MYO1E: variants seen among roughly 807,000 people sequenced by gnomAD.
The protein encoded by MYO1E is myosin IE.
In MYO1E, 68 loss-of-function variants were observed where a neutral mutation model predicts 151.1. The observed-to-expected ratio is 0.45, with a 90% CI of 0.37 to 0.55. MYO1E has a LOEUF of 0.55. Among genes scored for constraint, MYO1E ranks in the 20% least tolerant of loss-of-function variants. The pLI, the probability that MYO1E is intolerant of heterozygous loss-of-function variation, is 0.00. For missense variants in MYO1E, 1,363 were observed against 1,389.3 expected (o/e 0.98, Z 0.30); for synonymous variants, 601 against 501.7 (o/e 1.20, Z -2.64).
chr15:59,298,661 C>A (rs542352677), intron 1 of MYO1E, among the ~76,000 whole-genome samples: 7 of 152,136 alleles, frequency 4.6e-5, no homozygotes, highest in Non-Finnish European at 8.8e-5. Flanking sequence ...TAAATAAGAA[C>A]CTATTTAAAG....
chr15:59,362,089 GGCC>G (rs2080889079), intron 1 of MYO1E, among the ~76,000 whole-genome samples: 1 of 151,866 alleles, frequency 6.6e-6, no homozygotes, highest in Non-Finnish European at 1.5e-5. Context: ...CACCCGCCTC[GGCC>G]TTCCAAAGTG....
chr15:59,150,738 C>T (rs1202420206), intron 26 of MYO1E, among the ~76,000 whole-genome samples: 2 of 152,102 alleles, frequency 1.3e-5, no homozygotes, highest in East Asian at 3.9e-4. Flanking sequence ...ACTACAGGTG[C>T]CTTCAGACCA....
intron 1 of MYO1E, among the ~76,000 whole-genome samples, chr15:59,341,139 C>CA (rs1231991993): frequency 6.6e-6 from 1 of 151,850 alleles, no homozygotes; most frequent in Non-Finnish European, 1.5e-5. Context: ...TTGATACAGG[C>CA]ATGCAATGTG....
intron 1 of MYO1E, among the ~76,000 whole-genome samples, chr15:59,365,553 T>G (rs1279798794): frequency 3.3e-5 from 5 of 152,210 alleles, no homozygotes; most frequent in Admixed American, 6.5e-5. Context: ...AAACTAGCTA[T>G]GAGACTTTGG....
In MYO1E at chr15:59,136,578, A is replaced by C; in HGVS notation, c.*802T>G. 2.5e-6 allele frequency: 1 copy of C among 394,672 alleles called. No homozygotes were observed. Among genetic ancestry groups the C allele is most frequent in the Non-Finnish European group, 5.1e-6 (1 of 195,602 alleles). 24.4% of individuals were successfully genotyped at this position (394,672 alleles called of 1,614,324 possible). On this transcript the variant is annotated 3_prime_UTR_variant, in exon 28 of 28. Transcript: ENST00000288235. ...AGTACAGTGGAATACTACTTAGTAC[A>C]TTCATACATGTTTCTACCATCTCAA...
chr15:59,248,486 CAAAAAAAAAA>C (rs71119447), intron 4 of MYO1E, among the ~76,000 whole-genome samples: 50 of 57,052 alleles, frequency 8.8e-4, no homozygotes, highest in African/African-American at 3.2e-3. Flanking sequence ...GACTCCATCT[CAAAAAAAAAA>C]AAAAAAAAAA....
At chr15:59,178,308 GAAA>G in intron 19 of MYO1E, 82 bp downstream of exon 19, 1 of 1,530,838 alleles carries the variant, frequency 6.5e-7, no homozygotes, top group Non-Finnish European at 8.9e-7. Context: ...CGAAGAATGA[GAAA>G]AAGAAGCCAG....
intron 1 of MYO1E, among the ~76,000 whole-genome samples, chr15:59,358,176 T>C (rs2140439109): frequency 6.6e-6 from 1 of 152,058 alleles, no homozygotes; most frequent in Non-Finnish European, 1.5e-5. Flanking sequence ...GGAGAGTTGC[T>C]AAGCAGGGCT....
At chr15:59,343,670 C>T (rs1401025879) in intron 1 of MYO1E, among the ~76,000 whole-genome samples, 1 of 152,090 alleles carries the variant, frequency 6.6e-6, no homozygotes, top group Non-Finnish European at 1.5e-5. Context: ...TTTTCTAGAT[C>T]TTGTAGGTGG....
rs967963942 is a variant in MYO1E at position 59,136,564 on chromosome 15, A to T, written c.*816T>A. 1 of 375,138 alleles carries T rather than the reference A, an allele frequency of 2.7e-6. No individual in the cohort carries two copies. Among genetic ancestry groups the T allele is most frequent in the African/African-American group, 2.1e-5 (1 of 47,432 alleles). The allele number at this position is 375,138 out of a possible 1,614,324, so 23.2% of individuals were successfully genotyped here. A position where few individuals can be genotyped will look rare whatever the true frequency, so the allele number is the denominator to read the frequency against. On this transcript the variant is annotated 3_prime_UTR_variant, in exon 28 of 28. Coordinates refer to ENST00000288235, the MANE Select transcript of MYO1E (RefSeq NM_004998.4). ...CTACCTTATGAATGAGTACAGTGGA[A>T]TACTACTTAGTACATTCATACATGT...
intron 1 of MYO1E, among the ~76,000 whole-genome samples, chr15:59,345,987 C>T (rs1237844146): frequency 2.6e-5 from 4 of 152,176 alleles, no homozygotes; most frequent in South Asian, 2.1e-4. Flanking sequence ...GTAGTACTTC[C>T]GAATGCATGT....
intron 1 of MYO1E, among the ~76,000 whole-genome samples, chr15:59,300,050 T>A (rs914829653): frequency 6.6e-6 from 1 of 152,168 alleles, no homozygotes; most frequent in African/African-American, 2.4e-5. Flanking sequence ...ATATACTTTG[T>A]CACCACTGAG....
intron 1 of MYO1E, among the ~76,000 whole-genome samples, chr15:59,320,704 A>C (rs1186842677): frequency 6.6e-6 from 1 of 152,210 alleles, no homozygotes; most frequent in Non-Finnish European, 1.5e-5. Context: ...TTAAAGATTT[A>C]AATGTAAGAC....
At chr15:59,151,037 A>ACGCGCGCG (rs2079473456) in intron 26 of MYO1E, among the ~76,000 whole-genome samples, 1 of 122,728 alleles carries the variant, frequency 8.1e-6, no homozygotes, top group Admixed American at 7.4e-5. Context: ...ACACACACAC[A>ACGCGCGCG]CACACACACA....
At chr15:59,251,953 A>G in intron 4 of MYO1E, among the ~76,000 whole-genome samples, 1 of 152,242 alleles carries the variant, frequency 6.6e-6, no homozygotes, top group East Asian at 1.9e-4. Context: ...TATTGCTACT[A>G]ATAATATTGG....
chr15:59,261,786 C>T (rs2140374172), intron 2 of MYO1E, among the ~76,000 whole-genome samples: 1 of 152,192 alleles, frequency 6.6e-6, no homozygotes, highest in South Asian at 2.1e-4. Flanking sequence ...GTGACACGTA[C>T]AGCAAGGAGA....
chr15:59,227,643 C>G lies in MYO1E; in HGVS notation c.511-53G>C. The G allele has an allele frequency of 1.9e-6, 3 of 1,600,294 alleles. No homozygotes were observed. In the South Asian group the frequency reaches 3.3e-5, roughly 18 times the overall value. ...ATGGTTGGTGAACAAAACATGATGT[C>G]CCAAACAGGCTTTGAATACAGTATA... On this transcript the variant is annotated intron_variant, in intron 6 of 27. Coordinates refer to ENST00000288235, the MANE Select transcript of MYO1E (RefSeq NM_004998.4).
intron 1 of MYO1E, among the ~76,000 whole-genome samples, chr15:59,301,639 G>A (rs1339672379): frequency 3.9e-5 from 6 of 152,228 alleles, no homozygotes; most frequent in African/African-American, 1.4e-4. Context: ...CTCGGTCCTT[G>A]AGGCAGCTTT....
chr15:59,234,998 C>T lies in MYO1E; in HGVS notation c.420+1587G>A, dbSNP rs182491954. Among the ~76,000 whole-genome samples, 1,080 of 152,174 alleles carry T rather than the reference C, an allele frequency of 7.1e-3. 12 individuals are homozygous for T. Among genetic ancestry groups the T allele is most frequent in the African/African-American group, 0.025 (1,053 of 41,488 alleles). ...TGATGAGCGCCAAGCTTGGGCTGCC[C>T]CTTATGGACCTTAGCTCGCCATCAC... On this transcript the variant is annotated intron_variant, in intron 5 of 27. Coordinates refer to ENST00000288235, the MANE Select transcript of MYO1E (RefSeq NM_004998.4).
Sources: allele counts gnomAD v4.1 joint callset (sites outside exome capture counted in the v4.1 genomes callset), GRCh38; gene constraint gnomAD v4.1.1; transcripts MANE v1.5; gene names NCBI Gene and HGNC (gene_info 2026-07-23, HGNC 2026-07-21).